The following SGF29 variants were observed in gnomAD, a reference collection of about 807,000 sequenced individuals.
SGF29 encodes SAGA-associated factor 29.
In SGF29, 15 loss-of-function variants were observed where a neutral mutation model predicts 38.1. That is an observed-to-expected ratio of 0.39 (90% confidence interval 0.26 to 0.61). SGF29 has a LOEUF of 0.61. SGF29 is among the 20% of genes least tolerant of loss of function. The pLI, the probability that SGF29 is intolerant of heterozygous loss-of-function variation, is 0.49. For missense variants in SGF29, 184 were observed against 394.6 expected (o/e 0.47, Z 4.52); for synonymous variants, 151 against 160.8 (o/e 0.94, Z 0.46).
At chr16:28,581,862 T>A (rs1224785976) in intron 2 of SGF29, among the ~76,000 whole-genome samples, 1 of 149,896 alleles carries the variant, frequency 6.7e-6, no homozygotes, top group Non-Finnish European at 1.5e-5. Context: ...GAGGTTGCAG[T>A]GAGCCGAGAT....
chr16:28,584,676 C>T (rs1014797465), intron 2 of SGF29, among the ~76,000 whole-genome samples: 2 of 151,696 alleles, frequency 1.3e-5, no homozygotes, highest in African/African-American at 4.8e-5. Flanking sequence ...GTAGTCCCAG[C>T]TACTCGGGAG....
chr16:28,564,537 A>ATGTATATATATG (rs2046810785), intron 1 of SGF29, among the ~76,000 whole-genome samples: 2 of 107,410 alleles, frequency 1.9e-5, no homozygotes, highest in Non-Finnish European at 3.9e-5. Context: ...GTATATATAT[A>ATGTATATATATG]TGTATATATA....
chr16:28,585,829 A>G (rs1391539847), intron 4 of SGF29, 109 bp downstream of exon 4: 4 of 1,017,548 alleles, frequency 3.9e-6, no homozygotes, highest in Non-Finnish European at 6.2e-6. Flanking sequence ...GGATAAGCTG[A>G]TTGCTACTCC....
chr16:28,566,028 CT>C (rs1347877881), intron 1 of SGF29, among the ~76,000 whole-genome samples: 1 of 151,226 alleles, frequency 6.6e-6, no homozygotes, highest in Admixed American at 6.6e-5. Context: ...AATCCCAGCA[CT>C]TTGGGAGGCT....
chr16:28,580,228 A>C (rs970327015), intron 1 of SGF29, among the ~76,000 whole-genome samples: 2 of 152,200 alleles, frequency 1.3e-5, no homozygotes, highest in African/African-American at 4.8e-5. Context: ...ATGACATTCA[A>C]ACATATCAAT....
At chr16:28,572,150 G>A (rs1450883047) in intron 1 of SGF29, among the ~76,000 whole-genome samples, 2 of 149,330 alleles carry the variant, frequency 1.3e-5, no homozygotes, top group Non-Finnish European at 3.0e-5. Context: ...CTAATTTTTA[G>A]TATTTTTAGT....
intron 5 of SGF29, 175 bp downstream of exon 5, chr16:28,589,339 C>T (rs2046973466): frequency 3.2e-6 from 2 of 618,034 alleles, no homozygotes; most frequent in Non-Finnish European, 5.7e-6. Flanking sequence ...TTCCCAGTGC[C>T]CAGAGGCAGG....
Position 28,572,394 on chromosome 16 carries a change from G to A in SGF29, c.-15-8661G>A, listed in dbSNP as rs773535159. On this transcript the variant is annotated intron_variant, in intron 1 of 9. Transcript: ENST00000317058. ...AAGCAGCTCTCCTGCCTCAGCCTCC[G>A]AGTAGCTGGGATTACAGGCACCGGC... 8.5e-5 allele frequency among the ~76,000 whole-genome samples: 13 copies of A among 152,158 alleles called. No individual in the cohort carries two copies. The East Asian group carries it at 9.7e-4, about 11-fold the overall frequency.
At chr16:28,574,300 T>C (rs72622205) in intron 1 of SGF29, among the ~76,000 whole-genome samples, 5,713 of 152,254 alleles carry the variant, frequency 0.038, 231 homozygotes, top group East Asian at 0.21. Context: ...GATTCTTCCC[T>C]CACGGCGAGC....
chr16:28,563,964 C>T (rs1204208186), intron 1 of SGF29, among the ~76,000 whole-genome samples: 3 of 152,124 alleles, frequency 2.0e-5, no homozygotes, highest in Non-Finnish European at 4.4e-5. Flanking sequence ...CCAGGCTGGT[C>T]TTGAACTCCT....
chr16:28,589,002 C>T, intron 4 of SGF29, 98 bp from the exon 5 acceptor site: 1 of 1,305,956 alleles, frequency 7.7e-7, no homozygotes, highest in Non-Finnish European at 1.1e-6. Context: ...CGGGACCAGC[C>T]TGGGCAATGT....
chr16:28,561,643 G>C (rs532493310), intron 1 of SGF29, among the ~76,000 whole-genome samples: 2 of 152,272 alleles, frequency 1.3e-5, no homozygotes, highest in Admixed American at 1.3e-4. Flanking sequence ...AAAAGTTTAG[G>C]GTACTGGGCG....
intron 9 of SGF29, 111 bp from the exon 10 acceptor site, chr16:28,591,479 G>A (rs1165495499): frequency 3.9e-6 from 3 of 760,248 alleles, no homozygotes; most frequent in Non-Finnish European, 7.1e-6. Context: ...GATGTTAGGA[G>A]TGGCTGAGAG....
chr16:28,569,560 G>A (rs2046852630), intron 1 of SGF29, among the ~76,000 whole-genome samples: 1 of 152,198 alleles, frequency 6.6e-6, no homozygotes, highest in African/African-American at 2.4e-5. Flanking sequence ...GCTGAGGTGG[G>A]AGGATCACTT....
At chr16:28,570,031 C>T (rs2046856060) in intron 1 of SGF29, among the ~76,000 whole-genome samples, 1 of 152,244 alleles carries the variant, frequency 6.6e-6, no homozygotes. Context: ...AGAACTGACA[C>T]AGGGTAAGGC....
chr16:28,579,450 G>A (rs2046913350), intron 1 of SGF29, among the ~76,000 whole-genome samples: 1 of 150,058 alleles, frequency 6.7e-6, no homozygotes, highest in Non-Finnish European at 1.5e-5. Context: ...TAGAGACAAG[G>A]TTTCACCATG....
intron 1 of SGF29, among the ~76,000 whole-genome samples, chr16:28,570,425 A>G (rs904072164): frequency 6.6e-6 from 1 of 152,058 alleles, no homozygotes; most frequent in East Asian, 1.9e-4. Context: ...CCACCGTTGT[A>G]TTTTACAAGC....
At chr16:28,556,693 T>C (rs1175352201) in intron 1 of SGF29, among the ~76,000 whole-genome samples, 1 of 151,956 alleles carries the variant, frequency 6.6e-6, no homozygotes, top group Non-Finnish European at 1.5e-5. Context: ...TCACCCAGGC[T>C]GGAGCCTAGT....
rs1240873212 is a variant in SGF29 at position 28,576,752 on chromosome 16, C to T, written c.-15-4303C>T. The stretch of plus-strand genomic sequence containing the variant: ...CACACAAAAACCTGTACACAACGCT[C>T]ATAGCAGCATTATTCATAATAGCCA... On this transcript the variant is annotated intron_variant, in intron 1 of 9. Coordinates refer to ENST00000317058, the MANE Select transcript of SGF29 (RefSeq NM_138414.3). Among the ~76,000 whole-genome samples, 4 of 152,158 alleles carry T rather than the reference C, an allele frequency of 2.6e-5. No individual in the cohort carries two copies. The East Asian group carries it at 5.8e-4, about 22-fold the overall frequency.
Sources: gnomAD v4.1 joint callset for allele counts (sites outside exome capture counted in the v4.1 genomes callset) on GRCh38, gnomAD v4.1.1 for gene constraint, MANE v1.5 for transcripts, NCBI Gene and HGNC (gene_info 2026-07-23, HGNC 2026-07-21) for gene names.